PKP2: variants seen among roughly 807,000 people sequenced by gnomAD.
PKP2 encodes plakophilin 2, also known as plakophilin-2.
A neutral mutation model predicts 83.4 loss-of-function variants in PKP2; 73 were observed. The observed-to-expected ratio is 0.88, with a 90% CI of 0.72 to 1.06. PKP2 has a LOEUF of 1.06. PKP2 is among the 50% of genes least tolerant of loss of function. The pLI is 0.00. For synonymous variants in PKP2, 409 were observed against 430.4 expected (o/e 0.95, Z 0.62); for missense variants, 966 against 1,065.4 (o/e 0.91, Z 1.30).
chr12:32,796,565 A>T (rs11052239), intron 10 of PKP2, among the ~76,000 whole-genome samples: 11 of 150,550 alleles, frequency 7.3e-5, no homozygotes, highest in South Asian at 2.1e-4. Context: ...TTATTTTTTT[A>T]TTTTTTTTTA....
Position 32,801,864 on chromosome 12 carries a change from C to CA in PKP2, c.2167+538dup, listed in dbSNP as rs1317264039. ...CAAAATATGTCTCATCACAGTTACT[C>CA]AAAAAAAATCCATGCCAAATTTGCT... is the stretch of plus-strand genomic sequence containing the variant. On this transcript the variant is annotated intron_variant, in intron 10 of 12. Coordinates refer to ENST00000340811, the MANE Select transcript of PKP2 (RefSeq NM_001005242.3). Among the ~76,000 whole-genome samples, 7 of 151,804 alleles carry CA rather than the reference C, an allele frequency of 4.6e-5. No individual in the cohort carries two copies. In the East Asian group the frequency reaches 5.8e-4, roughly 13 times the overall value.
At chr12:32,879,094 C>T in intron 1 of PKP2, 62 bp from the exon 2 acceptor site, 1 of 883,086 alleles carries the variant, frequency 1.1e-6, no homozygotes, top group Non-Finnish European at 1.9e-6. Flanking sequence ...TATTTACAGA[C>T]TGTATAACAA....
chr12:32,821,859 T>TTGTTCCCTC (rs1469779726), intron 8 of PKP2: 31 of 324,152 alleles, frequency 9.6e-5, no homozygotes, highest in Middle Eastern at 1.1e-3. Context: ...AACCACCCTG[T>TTGTTCCCTC]AGATAAGAAA....
At chr12:32,807,895 C>A (rs1956241404) in intron 9 of PKP2, among the ~76,000 whole-genome samples, 1 of 152,170 alleles carries the variant, frequency 6.6e-6, no homozygotes, top group Non-Finnish European at 1.5e-5. Context: ...GCTGAGAAGT[C>A]TGCTGTTAGT....
intron 5 of PKP2, chr12:32,843,139 C>G (rs1191842782): frequency 2.3e-6 from 1 of 434,484 alleles, no homozygotes; most frequent in East Asian, 7.1e-5. Flanking sequence ...ACCACGACAC[C>G]CGGCTAATTT....
At chr12:32,845,269 C>T (rs184839575) in intron 5 of PKP2, among the ~76,000 whole-genome samples, 232 of 152,180 alleles carry the variant, frequency 1.5e-3, no homozygotes, top group African/African-American at 5.3e-3. Flanking sequence ...ATAATGACCT[C>T]GGCTGGGCGC....
At chr12:32,874,437 A>C (rs1430208472) in intron 3 of PKP2, among the ~76,000 whole-genome samples, 1 of 152,136 alleles carries the variant, frequency 6.6e-6, no homozygotes, top group Non-Finnish European at 1.5e-5. Flanking sequence ...TTTCACAGAG[A>C]GCCAAATTTT....
At chr12:32,868,881 A>AG in intron 4 of PKP2, 46 bp downstream of exon 4, 1 of 1,593,168 alleles carries the variant, frequency 6.3e-7, no homozygotes. Flanking sequence ...CCATAATAGA[A>AG]GTGAAAGTGT....
chr12:32,872,393 G>A (rs1320814202), intron 3 of PKP2, among the ~76,000 whole-genome samples: 1 of 152,090 alleles, frequency 6.6e-6, no homozygotes, highest in Non-Finnish European at 1.5e-5. Context: ...AATTAGCTGG[G>A]CGTGGTGGCG....
chr12:32,845,063 T>C (rs1463168552), intron 5 of PKP2, among the ~76,000 whole-genome samples: 2 of 152,174 alleles, frequency 1.3e-5, no homozygotes, highest in African/African-American at 4.8e-5. Context: ...TCTGTCTGCC[T>C]GTAATTTTCT....
rs778928536 is a variant in PKP2 at position 32,822,535 on chromosome 12, G to T, written c.1771C>A (p.Arg591=). 2 of 1,613,826 alleles carry T rather than the reference G, an allele frequency of 1.2e-6. No individual in the cohort carries two copies. The change falls in exon 8 of 13, where the codon CGG becomes AGG. Residue 591 remains arginine (R), a synonymous_variant. Transcript: ENST00000340811. Reference sequence around the variant, plus strand: ...TTGTTGTTGTCAGTCTGGATATTCCGGTTTTGAATATAGATATTCTGGGAA... The same window carrying T: ...TTGTTGTTGTCAGTCTGGATATTCCTGTTTTGAATATAGATATTCTGGGAA... ...KYSQNIYIQN[R]NIQTDNNKSI...
intron 3 of PKP2, among the ~76,000 whole-genome samples, chr12:32,875,003 C>T (rs929957302): frequency 6.6e-6 from 1 of 152,140 alleles, no homozygotes; most frequent in African/African-American, 2.4e-5. Context: ...CCAGCCTGGG[C>T]CTCCCAAAGT....
At chr12:32,833,045 C>T (rs528174705) in intron 6 of PKP2, among the ~76,000 whole-genome samples, 2 of 152,266 alleles carry the variant, frequency 1.3e-5, no homozygotes, top group Admixed American at 1.3e-4. Context: ...GAGTTTGAGA[C>T]CAGCCTGGCC....
chr12:32,846,009 A>G (rs1055206021), intron 5 of PKP2, among the ~76,000 whole-genome samples: 3 of 152,238 alleles, frequency 2.0e-5, no homozygotes, highest in African/African-American at 2.4e-5. Context: ...TTTTATAGCA[A>G]AACATTCTGA....
At chr12:32,844,129 A>G (rs928655850) in intron 5 of PKP2, among the ~76,000 whole-genome samples, 1 of 152,204 alleles carries the variant, frequency 6.6e-6, no homozygotes, top group African/African-American at 2.4e-5. Context: ...TTATTTCTAC[A>G]AAAGTATATG....
Position 32,796,201 on chromosome 12 carries a change from C to T in PKP2, c.2265G>A (p.Leu755=), listed in dbSNP as rs267603441. Residue 755 remains leucine (L), a synonymous_variant, in exon 11 of 13, where the codon TTG becomes TTA. Transcript: ENST00000340811. ...IETTASACYT[L]NNIIQNSYQN... is the part of the protein sequence containing the mutation. ...GGTAACTGTTTTGGATTATGTTGTTCAATGTGTAACAGGCAGAGGCTGTAG... is the reference window on the plus strand; with the variant it reads ...GGTAACTGTTTTGGATTATGTTGTTTAATGTGTAACAGGCAGAGGCTGTAG... The T allele has an allele frequency of 3.7e-6, 6 of 1,613,460 alleles. No homozygotes were observed. The highest frequency in any genetic ancestry group is 5.1e-6 in the Non-Finnish European group (6 of 1,179,914).
At chr12:32,794,045 T>G (rs1956099227) in intron 11 of PKP2, among the ~76,000 whole-genome samples, 1 of 152,212 alleles carries the variant, frequency 6.6e-6, no homozygotes, top group Admixed American at 6.5e-5. Context: ...CACAGGCATT[T>G]GTAAACATAA....
chr12:32,816,992 T>C (rs964662446), intron 9 of PKP2, among the ~76,000 whole-genome samples: 3 of 152,170 alleles, frequency 2.0e-5, no homozygotes, highest in Admixed American at 6.6e-5. Flanking sequence ...GATTTAAACC[T>C]TTACCAGATA....
In PKP2 at chr12:32,878,068, A is replaced by C. The variant is rs764490412; in HGVS notation, c.812T>G (p.Val271Gly). The C allele has an allele frequency of 1.9e-6, 3 of 1,613,982 alleles. No individual in the cohort carries two copies. In the South Asian group the frequency reaches 3.3e-5, roughly 18 times the overall value. ...GGGCTGCAGGGGCACCAGCGGCCTG[A>C]CCTGCCCGACAGTGAGCCCTGCCGT... Reference protein sequence around the residue: ...YLTAGLTVGQVRPLVPLQPVT... With the variant: ...YLTAGLTVGQGRPLVPLQPVT... The change falls in exon 3 of 13, where the codon GTC becomes GGC. Residue 271 changes from valine to glycine, a missense_variant. Coordinates refer to ENST00000340811, the MANE Select transcript of PKP2 (RefSeq NM_001005242.3).
Sources: allele counts gnomAD v4.1 joint callset (sites outside exome capture counted in the v4.1 genomes callset), GRCh38; gene constraint gnomAD v4.1.1; transcripts MANE v1.5; gene names NCBI Gene and HGNC (gene_info 2026-07-23, HGNC 2026-07-21).